RAI14: variants seen among roughly 807,000 people sequenced by gnomAD.
The protein encoded by RAI14 is retinoic acid induced 14.
RAI14 carries 45 observed loss-of-function variants against 115.4 expected under a neutral mutation model. The ratio of observed to expected loss-of-function variants is 0.39; its 90% CI spans 0.31 to 0.50. RAI14 has a LOEUF of 0.50. Among genes scored for constraint, RAI14 ranks in the 20% least tolerant of loss-of-function variants. RAI14 has a pLI of 0.85. For missense variants in RAI14, 939 were observed against 1,131.2 expected (o/e 0.83, Z 2.44); for synonymous variants, 371 against 415.4 (o/e 0.89, Z 1.30).
chr5:34,734,287 C>T (rs1443880122), intron 2 of RAI14, among the ~76,000 whole-genome samples: 2 of 152,176 alleles, frequency 1.3e-5, no homozygotes, highest in Non-Finnish European at 2.9e-5. Context: ...ACTGCTCTTC[C>T]CTTGAGGGAT....
intron 5 of RAI14, among the ~76,000 whole-genome samples, chr5:34,807,583 T>G (rs112986330): frequency 2.0e-5 from 3 of 151,882 alleles, no homozygotes; most frequent in Admixed American, 1.3e-4. Context: ...GAGGAACAGA[T>G]AGGTGAAGCA....
chr5:34,802,691 A>G (rs969184691), intron 4 of RAI14, among the ~76,000 whole-genome samples: 1 of 152,198 alleles, frequency 6.6e-6, no homozygotes, highest in African/African-American at 2.4e-5. Context: ...ATAATTAACT[A>G]TATAAGTGTG....
chr5:34,771,981 G>C (rs545913080), intron 3 of RAI14, among the ~76,000 whole-genome samples: 2 of 152,214 alleles, frequency 1.3e-5, no homozygotes, highest in African/African-American at 2.4e-5. Context: ...GCTCACTGCA[G>C]CCTCAACCTC....
intron 2 of RAI14, chr5:34,716,969 G>T (rs1742074802): frequency 1.3e-5 from 2 of 152,168 alleles, no homozygotes; most frequent in African/African-American, 2.4e-5. Context: ...TTTGTAATAG[G>T]TGAAATGCTG....
At chr5:34,683,853 G>A (rs997948393) in intron 1 of RAI14, among the ~76,000 whole-genome samples, 5 of 151,802 alleles carry the variant, frequency 3.3e-5, no homozygotes, top group Non-Finnish European at 7.4e-5. Flanking sequence ...TTAGCCTCCC[G>A]AGTGGCTGGG....
chr5:34,798,195 C>G (rs182882), intron 4 of RAI14, among the ~76,000 whole-genome samples: 1 of 152,072 alleles, frequency 6.6e-6, no homozygotes, highest in Non-Finnish European at 1.5e-5. Context: ...ACCACCACCA[C>G]GCCCGGCTAA....
chr5:34,816,460 GA>G (rs1217288740), intron 12 of RAI14, among the ~76,000 whole-genome samples: 6 of 152,064 alleles, frequency 3.9e-5, no homozygotes, highest in African/African-American at 1.4e-4. Context: ...ACAAATGTTA[GA>G]AAATCCATTA....
chr5:34,796,305 T>G (rs887874723), intron 4 of RAI14, among the ~76,000 whole-genome samples: 2 of 150,632 alleles, frequency 1.3e-5, no homozygotes, highest in African/African-American at 2.4e-5. Context: ...GGCTGAGACA[T>G]GAGAATCACT....
rs1232053920 is a variant in RAI14 at position 34,686,862 on chromosome 5, C to T, written c.-48-10C>T. On this transcript the variant is annotated splice_polypyrimidine_tract_variant and intron_variant, in intron 1 of 17. Transcript: ENST00000265109. ...GGAAACCTACATATGTCCTTTTTTTCTCTGCTTAGGTGTTGAAAAGTCTCC... is the reference window on the plus strand; with the variant it reads ...GGAAACCTACATATGTCCTTTTTTTTTCTGCTTAGGTGTTGAAAAGTCTCC... 1.3e-5 allele frequency: 20 copies of T among 1,548,154 alleles called. No individual in the cohort carries two copies. Among genetic ancestry groups the T allele is most frequent in the South Asian group, 5.8e-5 (5 of 86,622 alleles).
intron 3 of RAI14, among the ~76,000 whole-genome samples, chr5:34,778,069 A>T (rs1208596234): frequency 6.6e-6 from 1 of 152,244 alleles, no homozygotes; most frequent in Non-Finnish European, 1.5e-5. Context: ...AAATGCTCTG[A>T]CCTGAATTAT....
At chr5:34,771,011 TGTACCATGAA>T (rs1304714337) in intron 3 of RAI14, among the ~76,000 whole-genome samples, 1 of 152,226 alleles carries the variant, frequency 6.6e-6, no homozygotes, top group African/African-American at 2.4e-5. Flanking sequence ...AAAGTTGTTA[TGTACCATGAA>T]GTATTTGAGT....
At chr5:34,768,328 T>C (rs1036552771) in intron 3 of RAI14, among the ~76,000 whole-genome samples, 1 of 152,186 alleles carries the variant, frequency 6.6e-6, no homozygotes, top group African/African-American at 2.4e-5. Context: ...TTAGGAAAGA[T>C]TGGGCTCTCG....
intron 1 of RAI14, chr5:34,657,018 ATTG>A (rs1284747306): frequency 1.3e-5 from 2 of 152,076 alleles, no homozygotes. Flanking sequence ...GGGGTCCGCT[ATTG>A]TTCCTCCTCT....
intron 3 of RAI14, among the ~76,000 whole-genome samples, chr5:34,773,310 G>A (rs994470412): frequency 1.3e-5 from 2 of 152,072 alleles, no homozygotes; most frequent in African/African-American, 4.8e-5. Context: ...AAAACTACCA[G>A]AATAAAACAT....
chr5:34,777,989 A>T (rs566459567), intron 3 of RAI14, among the ~76,000 whole-genome samples: 1 of 152,208 alleles, frequency 6.6e-6, no homozygotes, highest in Non-Finnish European at 1.5e-5. Flanking sequence ...ATTGTAAAGT[A>T]TGTAGAAGAG....
intron 2 of RAI14, among the ~76,000 whole-genome samples, chr5:34,746,537 T>C (rs1262198792): frequency 1.3e-5 from 2 of 151,600 alleles, no homozygotes; most frequent in Non-Finnish European, 2.9e-5. Flanking sequence ...CCCGAGTAGC[T>C]GGGATTACAG....
intron 2 of RAI14, among the ~76,000 whole-genome samples, chr5:34,720,742 T>C (rs888703516): frequency 2.0e-5 from 3 of 152,018 alleles, no homozygotes; most frequent in African/African-American, 7.2e-5. Flanking sequence ...ATAAAAGTAA[T>C]AGCGCTTTCA....
Position 34,752,592 on chromosome 5 carries a change from C to T in RAI14, c.37-4876C>T, listed in dbSNP as rs334910. Among the ~76,000 whole-genome samples, 633 of 151,508 alleles carry T rather than the reference C, an allele frequency of 4.2e-3. 28 individuals carry two copies. In the East Asian group the frequency reaches 0.1, roughly 24 times the overall value. On this transcript the variant is annotated intron_variant, in intron 2 of 17. Coordinates refer to ENST00000265109, the MANE Select transcript of RAI14 (RefSeq NM_015577.3). ...GCCCGCGGGGCTTGAGCTAGGCTTTCGAAATACGCCTTTGCTTAGGCAGAT... is the reference window on the plus strand; with the variant it reads ...GCCCGCGGGGCTTGAGCTAGGCTTTTGAAATACGCCTTTGCTTAGGCAGAT...
In RAI14 at chr5:34,659,537, G is replaced by A. The variant is rs78363210; in HGVS notation, c.-49+3062G>A. Among the ~76,000 whole-genome samples the A allele has an allele frequency of 4.9e-3, 740 of 152,310 alleles. 5 individuals carry two copies. The highest frequency in any genetic ancestry group is 0.017 in the Middle Eastern group (5 of 294). On this transcript the variant is annotated intron_variant, in intron 1 of 17. Coordinates refer to ENST00000265109, the MANE Select transcript of RAI14 (RefSeq NM_015577.3). ...TCTACCTCAGCCTTCCACAGTGCAT[G>A]AGCCACTGTGCCTGGCCTAGTTTTT...
Sources: allele counts gnomAD v4.1 joint callset (sites outside exome capture counted in the v4.1 genomes callset), GRCh38; gene constraint gnomAD v4.1.1; transcripts MANE v1.5; gene names NCBI Gene and HGNC (gene_info 2026-07-23, HGNC 2026-07-21).